TMEM207: variants seen among roughly 807,000 people sequenced by gnomAD.
TMEM207 encodes the protein SRSR846.
Under a neutral mutation model 17.4 loss-of-function variants are expected in TMEM207, and 15 were observed. The ratio of observed to expected loss-of-function variants is 0.86; its 90% CI spans 0.58 to 1.33. The LOEUF (loss-of-function observed/expected upper bound fraction) is 1.33. TMEM207 is among the 40% of genes most tolerant of loss of function. The pLI is 0.00. For synonymous variants in TMEM207, 70 were observed against 65.6 expected (o/e 1.07, Z -0.33); for missense variants, 205 against 173.8 (o/e 1.18, Z -1.01).
At chr3:190,442,814 T>C (rs757173885) in intron 2 of TMEM207, among the ~76,000 whole-genome samples, 1 of 152,206 alleles carries the variant, frequency 6.6e-6, no homozygotes. Context: ...AATGTAAACA[T>C]GTTTATAAAT....
chr3:190,444,846 A>G (rs570302782), intron 2 of TMEM207, among the ~76,000 whole-genome samples: 1 of 152,284 alleles, frequency 6.6e-6, no homozygotes, highest in African/African-American at 2.4e-5. Flanking sequence ...TTCAGTAACA[A>G]ATTGCATGAA....
chr3:190,448,375 C>G (rs779852803), intron 1 of TMEM207, among the ~76,000 whole-genome samples: 4 of 152,062 alleles, frequency 2.6e-5, no homozygotes, highest in Non-Finnish European at 5.9e-5. Context: ...ACAGTCTTCT[C>G]TTTATCAGAG....
At chr3:190,440,163 G>A in intron 4 of TMEM207, 81 bp downstream of exon 4, 1 of 1,505,764 alleles carries the variant, frequency 6.6e-7, no homozygotes, top group Non-Finnish European at 8.9e-7. Flanking sequence ...TCCCAGATCT[G>A]CTTTTGGGAG....
At chr3:190,433,031 G>A (rs1183506352) in intron 4 of TMEM207, among the ~76,000 whole-genome samples, 2 of 152,212 alleles carry the variant, frequency 1.3e-5, no homozygotes, top group East Asian at 3.9e-4. Context: ...CACACTTCAT[G>A]GCATAAAGGC....
chr3:190,448,074 A>T (rs1720088895), intron 1 of TMEM207, among the ~76,000 whole-genome samples: 1 of 152,152 alleles, frequency 6.6e-6, no homozygotes, highest in African/African-American at 2.4e-5. Flanking sequence ...TACCAATATA[A>T]ATGGATTTTA....
chr3:190,431,455 C>CATT (rs560696166), intron 4 of TMEM207, among the ~76,000 whole-genome samples: 1 of 151,774 alleles, frequency 6.6e-6, no homozygotes, highest in African/African-American at 2.4e-5. Flanking sequence ...ATGATTTAAA[C>CATT]ATTATTATTA....
At chr3:190,434,250 A>T (rs976266190) in intron 4 of TMEM207, among the ~76,000 whole-genome samples, 1 of 152,128 alleles carries the variant, frequency 6.6e-6, no homozygotes, top group African/African-American at 2.4e-5. Flanking sequence ...CCCCACCCAA[A>T]TCTCATCTTG....
Position 190,428,716 on chromosome 3 carries a change from G to A in TMEM207, c.*879C>T, listed in dbSNP as rs2108529602. The A allele has an allele frequency of 6.6e-6, 1 of 152,246 alleles. No individual in the cohort carries two copies. Among genetic ancestry groups the A allele is most frequent in the South Asian group, 2.1e-4 (1 of 4,822 alleles). The allele number at this position is 152,246 out of a possible 1,614,324, so 9.4% of individuals were successfully genotyped here. The stretch of plus-strand genomic sequence containing the variant: ...CAAATTTGTCAGCTGAAGATCATAT[G>A]TCATCTGTGATGGATGTTTTTGTCT... On this transcript the variant is annotated 3_prime_UTR_variant, in exon 5 of 5. Coordinates refer to ENST00000354905, the MANE Select transcript of TMEM207 (RefSeq NM_207316.3).
At chr3:190,449,183 T>C (rs1233872511) in intron 1 of TMEM207, among the ~76,000 whole-genome samples, 1 of 152,194 alleles carries the variant, frequency 6.6e-6, no homozygotes, top group African/African-American at 2.4e-5. Context: ...CCAGTTATTA[T>C]GAAGAGGTAA....
chr3:190,445,268 A>G (rs1385246854), intron 2 of TMEM207, among the ~76,000 whole-genome samples: 3 of 152,190 alleles, frequency 2.0e-5, no homozygotes, highest in South Asian at 2.1e-4. Context: ...AAATCAATCT[A>G]TTTTTGTTCA....
In TMEM207 at chr3:190,433,863, G is replaced by A. The variant is rs987847980; in HGVS notation, c.305-4132C>T. Among the ~76,000 whole-genome samples, 6 of 152,114 alleles carry A rather than the reference G, an allele frequency of 3.9e-5. No individual in the cohort carries two copies. The East Asian group carries it at 9.6e-4, about 24-fold the overall frequency. On this transcript the variant is annotated intron_variant, in intron 4 of 4. Transcript: ENST00000354905. ...GACTTAGCACCATAACCTTGGTGCT[G>A]TTCTCATGATAGTGAGTTCTCACGA...
chr3:190,433,264 T>C (rs1027255183), intron 4 of TMEM207, among the ~76,000 whole-genome samples: 1 of 152,174 alleles, frequency 6.6e-6, no homozygotes, highest in African/African-American at 2.4e-5. Context: ...GATGGGCTTT[T>C]ATTCAGCATC....
intron 4 of TMEM207, among the ~76,000 whole-genome samples, chr3:190,436,195 A>T (rs1441552094): frequency 1.3e-5 from 2 of 152,222 alleles, no homozygotes; most frequent in Admixed American, 6.5e-5. Context: ...TTTTGGTAAA[A>T]ATTTAAAAAA....
chr3:190,444,572 A>T (rs1168321189), intron 2 of TMEM207: 6 of 450,726 alleles, frequency 1.3e-5, no homozygotes, highest in Admixed American at 6.4e-5. Flanking sequence ...TAGTGAGATC[A>T]GTTTGTAAAC....
intron 2 of TMEM207, 55 bp from the exon 3 acceptor site, chr3:190,441,537 T>A: frequency 7.0e-7 from 1 of 1,425,846 alleles, no homozygotes; most frequent in Non-Finnish European, 9.8e-7. Flanking sequence ...AAAGCCTATT[T>A]CTTTCACCCA....
chr3:190,439,075 G>A (rs575386293), intron 4 of TMEM207, among the ~76,000 whole-genome samples: 1 of 151,622 alleles, frequency 6.6e-6, no homozygotes, highest in Non-Finnish European at 1.5e-5. Context: ...TACTCGGGAG[G>A]CTGAGGCAGG....
intron 2 of TMEM207, among the ~76,000 whole-genome samples, chr3:190,443,116 C>G (rs544047658): frequency 1.3e-5 from 2 of 149,024 alleles, no homozygotes; most frequent in East Asian, 3.9e-4. Flanking sequence ...TGGGGAAATT[C>G]TCTTGGTGTC....
chr3:190,447,625 G>GA (rs912579735), intron 2 of TMEM207, among the ~76,000 whole-genome samples, 165 bp downstream of exon 2: 5 of 150,054 alleles, frequency 3.3e-5, no homozygotes, highest in Admixed American at 6.6e-5. Flanking sequence ...CCTGTTTTCA[G>GA]AAAAAAAAAT....
At chr3:190,448,953 T>C (rs1211486039) in intron 1 of TMEM207, among the ~76,000 whole-genome samples, 2 of 152,212 alleles carry the variant, frequency 1.3e-5, no homozygotes, top group African/African-American at 2.4e-5. Context: ...TAGATTTGCA[T>C]ACTAAGTGAA....
Sources: gnomAD v4.1 joint callset for allele counts (sites outside exome capture counted in the v4.1 genomes callset) on GRCh38, gnomAD v4.1.1 for gene constraint, MANE v1.5 for transcripts, NCBI Gene and HGNC (gene_info 2026-07-23, HGNC 2026-07-21) for gene names.